Variants in KCNA2 observed in about 807,000 individuals in gnomAD.
The protein encoded by KCNA2 is potassium channel, voltage gated shaker related subfamily A, member 2.
KCNA2 carries 11 observed loss-of-function variants against 33.4 expected under a neutral mutation model. That is an observed-to-expected ratio of 0.33 (90% CI 0.21 to 0.55). The LOEUF is 0.55. Ranked by LOEUF, KCNA2 falls within the 20% of genes least tolerant of loss-of-function variation. KCNA2 has a pLI of 0.93. For synonymous variants in KCNA2, 222 were observed against 231.3 expected, an observed-to-expected ratio of 0.96 and a Z score of 0.37; for missense variants, 291 against 621.6, an observed-to-expected ratio of 0.47 and a Z score of 5.66.
intron 1 of KCNA2, among the ~76,000 whole-genome samples, chr1:110,615,407 G>A (rs968590008): frequency 6.6e-6 from 1 of 152,170 alleles, no homozygotes; most frequent in Non-Finnish European, 1.5e-5. Flanking sequence ...AGCCTCTCTG[G>A]CTCAAGTATT....
rs557330274 is a variant in KCNA2 at position 110,616,301 on chromosome 1, C to G, written c.-495-10579G>C. On this transcript the variant is annotated intron_variant, in intron 1 of 4. Transcript: ENST00000369770. The stretch of plus-strand genomic sequence containing the variant: ...TGGCAATGCAGCCCCACCCCCACCC[C>G]CACCACCCAGGTTCATCTAGTCAGG... Among the ~76,000 whole-genome samples the G allele has an allele frequency of 5.3e-5, 8 of 152,276 alleles. No individual in the cohort carries two copies. The South Asian group carries it at 1.7e-3, about 32-fold the overall frequency.
rs1028849702 is a variant in KCNA2 at position 110,600,146 on chromosome 1, G to A, written c.*3137C>T. The A allele has an allele frequency of 4.1e-6, 4 of 984,326 alleles. No individual in the cohort carries two copies. The highest frequency in any genetic ancestry group is 4.8e-6 in the Non-Finnish European group (4 of 829,790). The allele number at this position is 984,326 out of a possible 1,614,324, so 61.0% of individuals were successfully genotyped here. ...TACATCTGATCTTTTGTTTGTGCCT[G>A]TTAATTCATAGCTCTGGGGGCAGGG... On this transcript the variant is annotated 3_prime_UTR_variant, in exon 3 of 3. Coordinates refer to ENST00000316361, the MANE Select transcript of KCNA2 (RefSeq NM_004974.4).
At position 110,602,370 on chromosome 1, in the gene KCNA2, T is replaced by C. The variant is rs1203037378; in HGVS notation, c.*913A>G. On this transcript the variant is annotated 3_prime_UTR_variant, in exon 3 of 3. Coordinates refer to ENST00000316361, the MANE Select transcript of KCNA2 (RefSeq NM_004974.4). ...TACTAGGAAAATAGGTTATCTCCTG[T>C]GTTTTAAATATTGAGATTCATGCAA... is the stretch of plus-strand genomic sequence containing the variant. 2.8e-6 allele frequency: 4 copies of C among 1,405,632 alleles called. No individual in the cohort carries two copies. Among genetic ancestry groups the C allele is most frequent in the Middle Eastern group, 2.6e-4 (1 of 3,838 alleles). 87.1% of individuals were successfully genotyped at this position (1,405,632 alleles called of 1,614,324 possible).
At chr1:110,623,007 A>G (rs1650299076) in intron 1 of KCNA2, among the ~76,000 whole-genome samples, 2 of 152,220 alleles carry the variant, frequency 1.3e-5, no homozygotes, top group African/African-American at 4.8e-5. Flanking sequence ...AACCTAGAAT[A>G]ACCAAAGCAA....
In KCNA2 at chr1:110,602,278, G is replaced by GA. The variant is rs1286246855; in HGVS notation, c.*1004dup. 2.7e-5 allele frequency: 40 copies of GA among 1,496,296 alleles called. No individual in the cohort carries two copies. Among genetic ancestry groups the GA allele is most frequent in the South Asian group, 4.0e-5 (3 of 75,362 alleles). The allele number at this position is 1,496,296 out of a possible 1,614,324, so 92.7% of individuals were successfully genotyped here. ...TGGAGGGATTTTTGCCTTCTGATGG[G>GA]AAAAAAACCCCTAGTTCAAGACCAT... On this transcript the variant is annotated 3_prime_UTR_variant, in exon 3 of 3. Transcript: ENST00000316361.
chr1:110,611,615 A>G (rs1484617488), intron 1 of KCNA2, among the ~76,000 whole-genome samples: 1 of 151,634 alleles, frequency 6.6e-6, no homozygotes, highest in East Asian at 1.9e-4. Flanking sequence ...AGTTCCAGCT[A>G]CTCGGGAGGC....
Position 110,602,895 on chromosome 1 carries a change from G to C in KCNA2, c.*388C>G. 9.7e-7 allele frequency: 1 copy of C among 1,033,120 alleles called. No homozygotes were observed. The allele number at this position is 1,033,120 out of a possible 1,614,324, so 64.0% of individuals were successfully genotyped here. A position where few individuals can be genotyped will look rare whatever the true frequency, so the allele number is the denominator to read the frequency against. ...GATTGTGTTCCTCTGTGAAAGGGCA[G>C]GTGGGCTCAAATAAGGTGGTGGGAT... is the stretch of plus-strand genomic sequence containing the variant. On this transcript the variant is annotated 3_prime_UTR_variant, in exon 3 of 3. Coordinates refer to ENST00000316361, the MANE Select transcript of KCNA2 (RefSeq NM_004974.4).
intron 1 of KCNA2, among the ~76,000 whole-genome samples, chr1:110,619,821 A>G (rs1650190787): frequency 6.6e-6 from 1 of 152,138 alleles, no homozygotes; most frequent in Non-Finnish European, 1.5e-5. Context: ...CCCCTTCCGC[A>G]TTCTAAAAAT....
rs1455846040 is a variant in KCNA2 at position 110,604,025 on chromosome 1, T to C, written c.758A>G (p.Asn253Ser). 6.2e-7 allele frequency: 1 copy of C among 1,614,156 alleles called. No individual in the cohort carries two copies. Among genetic ancestry groups the C allele is most frequent in the Non-Finnish European group, 8.5e-7 (1 of 1,180,014 alleles). ...ACPSKAGFFT[N>S]IMNIIDIVAI... Reference sequence around the variant, plus strand: ...CACAATGTCAATGATGTTCATGATGTTGGTGAAGAAGCCGGCTTTGCTGGG... The same window carrying C: ...CACAATGTCAATGATGTTCATGATGCTGGTGAAGAAGCCGGCTTTGCTGGG... Residue 253 changes from asparagine to serine, a missense_variant, in exon 3 of 3, where the codon AAC (asparagine) becomes AGC (serine). By Grantham distance (46) the Asn-to-Ser change is conservative. Transcript: ENST00000316361. The surrounding 1 kb of genome is among the most constrained non-coding windows in gnomAD (Gnocchi z 7.6).
At chr1:110,608,278 G>C (rs1264770105), upstream of KCNA2, among the ~76,000 whole-genome samples, 2 of 152,244 alleles carry the variant, frequency 1.3e-5, no homozygotes, top group Non-Finnish European at 2.9e-5. Flanking sequence ...GGTGCTTTTG[G>C]GAGGCAGACG....
chr1:110,619,033 G>C (rs1160434749), intron 1 of KCNA2, among the ~76,000 whole-genome samples: 15 of 152,132 alleles, frequency 9.9e-5, no homozygotes, highest in Admixed American at 9.8e-4. Flanking sequence ...ACTACTCTCA[G>C]AACTAAGCCT....
At position 110,596,120 on chromosome 1, in the gene KCNA2, T is replaced by A; in HGVS notation, c.*7163A>T. The A allele has an allele frequency of 1.0e-6, 1 of 985,322 alleles. No individual in the cohort carries two copies. Among genetic ancestry groups the A allele is most frequent in the Non-Finnish European group, 1.2e-6 (1 of 829,918 alleles). The allele number at this position is 985,322 out of a possible 1,614,324, so 61.0% of individuals were successfully genotyped here. ...GAGGTGATCCTGTAGCCTGTTCTTT[T>A]TTTATGAAAGATCTGCCTTCTAGAG... On this transcript the variant is annotated 3_prime_UTR_variant, in exon 3 of 3. Transcript: ENST00000316361.
Position 110,597,800 on chromosome 1 carries a change from T to C in KCNA2, c.*5483A>G. ...AAGAAAACAGTCACTATTTATTTTA[T>C]TGCACTTTTCCTCTTTAAAAATATT... On this transcript the variant is annotated 3_prime_UTR_variant, in exon 3 of 3. Coordinates refer to ENST00000316361, the MANE Select transcript of KCNA2 (RefSeq NM_004974.4). 1 of 985,368 alleles carries C rather than the reference T, an allele frequency of 1.0e-6. No individual in the cohort carries two copies. The allele number at this position is 985,368 out of a possible 1,614,324, so 61.0% of individuals were successfully genotyped here.
In KCNA2 at chr1:110,596,637, G is replaced by T; in HGVS notation, c.*6646C>A. ...TGACCCTGAGCAAGGCAAGGTCCCT[G>T]TTATCTTCAAACACTCTACTTAACT... On this transcript the variant is annotated 3_prime_UTR_variant, in exon 3 of 3. Transcript: ENST00000316361. 1.5e-6 allele frequency: 1 copy of T among 684,280 alleles called. No individual in the cohort carries two copies. Among genetic ancestry groups the T allele is most frequent in the Non-Finnish European group, 1.8e-6 (1 of 555,218 alleles). The allele number at this position is 684,280 out of a possible 1,614,324, so 42.4% of individuals were successfully genotyped here. A position where few individuals can be genotyped will look rare whatever the true frequency, so the allele number is the denominator to read the frequency against.
At chr1:110,609,404 A>G (rs1649794982), upstream of KCNA2, among the ~76,000 whole-genome samples, 1 of 152,228 alleles carries the variant, frequency 6.6e-6, no homozygotes, top group Admixed American at 6.5e-5. Context: ...TCACAGCCCT[A>G]GAAGTCAATG....
In KCNA2 at chr1:110,629,137, G is replaced by A. The variant is rs541484795; in HGVS notation, c.-496+2258C>T. On this transcript the variant is annotated intron_variant, in intron 1 of 4. Transcript: ENST00000369770. ...GGGGAAGCTTTAAAATTCTAGTGCT[G>A]AGGTCACATTTTGGATAAATTAAAT... Among the ~76,000 whole-genome samples, 347 of 152,284 alleles carry A rather than the reference G, an allele frequency of 2.3e-3. 4 individuals are homozygous for A. Among genetic ancestry groups the A allele is most frequent in the African/African-American group, 8.2e-3 (341 of 41,552 alleles).
chr1:110,607,401 C>A (rs1447976138), upstream of KCNA2: 1 of 150,770 alleles, frequency 6.6e-6, no homozygotes, highest in African/African-American at 2.4e-5. Context: ...CCGGCCGCCG[C>A]CCGCAGCCGC....
rs1448449331 is a variant in KCNA2, at chr1:110,599,621, T to G, written c.*3662A>C. On this transcript the variant is annotated 3_prime_UTR_variant, in exon 3 of 3. Coordinates refer to ENST00000316361, the MANE Select transcript of KCNA2 (RefSeq NM_004974.4). ...AGGTCTCTATAGGGTCTCAACTTCC[T>G]GACCGTGCCCCCAACAAAGCTGCAA... 1 of 985,380 alleles carries G rather than the reference T, an allele frequency of 1.0e-6. No individual in the cohort carries two copies. The highest frequency in any genetic ancestry group is 1.1e-4 in the East Asian group (1 of 8,828). The allele number at this position is 985,380 out of a possible 1,614,324, so 61.0% of individuals were successfully genotyped here.
intron 1 of KCNA2, among the ~76,000 whole-genome samples, chr1:110,615,911 T>C (rs1338061327): frequency 2.0e-5 from 3 of 152,186 alleles, no homozygotes; most frequent in Non-Finnish European, 4.4e-5. Flanking sequence ...GCTGTTCACC[T>C]GAAATTCTAG....
Sources: gnomAD v4.1 joint callset for allele counts (sites outside exome capture counted in the v4.1 genomes callset) on GRCh38, gnomAD v4.1.1 for gene constraint, Gnocchi (gnomAD v3.1) non-coding constraint, MANE v1.5 for transcripts, NCBI Gene and HGNC (gene_info 2026-07-23, HGNC 2026-07-21) for gene names.